The following ATF7 variants were observed in gnomAD, a reference collection of about 807,000 sequenced individuals.
The protein encoded by ATF7 is activating transcription factor 7.
Under a neutral mutation model 50.4 loss-of-function variants are expected in ATF7, and 10 were observed. The ratio of observed to expected loss-of-function variants is 0.20; its 90% CI spans 0.12 to 0.34. ATF7 has a LOEUF of 0.34. Among genes scored for constraint, ATF7 ranks in the 10% least tolerant of loss-of-function variants. The pLI is 1.00. For synonymous variants in ATF7, 201 were observed against 226.4 expected, an observed-to-expected ratio of 0.89 and a Z score of 1.01; for missense variants, 465 against 613.9, an observed-to-expected ratio of 0.76 and a Z score of 2.56.
At chr12:53,518,416 C>T (rs1225913277) in intron 11 of ATF7, among the ~76,000 whole-genome samples, 1 of 152,196 alleles carries the variant, frequency 6.6e-6, no homozygotes, top group Non-Finnish European at 1.5e-5. Flanking sequence ...ACACAACTAC[C>T]TGAGCTACAT....
Position 53,601,041 on chromosome 12 carries a change from G to C in ATF7, c.-21-20C>G. 1 of 1,571,216 alleles carries C rather than the reference G, an allele frequency of 6.4e-7. No individual in the cohort carries two copies. The highest frequency in any genetic ancestry group is 8.7e-7 in the Non-Finnish European group (1 of 1,154,766). ...GAGGAGCTGAGGAGGGGGAGGTGAG[G>C]GAAAAAGTTATGTTAAATATGCTGG... is the stretch of plus-strand genomic sequence containing the variant. On this transcript the variant is annotated intron_variant, in intron 1 of 11. Coordinates refer to ENST00000420353, the MANE Select transcript of ATF7 (RefSeq NM_006856.3).
At chr12:53,543,558 T>G in intron 3 of ATF7, 110 bp from the exon 4 acceptor site, 1 of 1,251,674 alleles carries the variant, frequency 8.0e-7, no homozygotes. Context: ...GGAGAGAGAG[T>G]CTTTGTGTTA....
At chr12:53,614,623 T>C (rs1944036878) in intron 1 of ATF7, among the ~76,000 whole-genome samples, 2 of 152,202 alleles carry the variant, frequency 1.3e-5, no homozygotes, top group South Asian at 4.1e-4. Flanking sequence ...ACTTAGAAGT[T>C]CTCAGGAAAA....
intron 2 of ATF7, among the ~76,000 whole-genome samples, chr12:53,566,349 A>G (rs748434069): frequency 2.6e-5 from 4 of 152,046 alleles, no homozygotes; most frequent in Admixed American, 1.3e-4. Context: ...TCTTAACCCA[A>G]CCCCCATTTT....
intron 2 of ATF7, among the ~76,000 whole-genome samples, chr12:53,591,229 C>T (rs977635247): frequency 3.3e-5 from 5 of 151,834 alleles, no homozygotes; most frequent in Admixed American, 2.0e-4. Context: ...GAAACACTGG[C>T]GAATAATCCC....
intron 11 of ATF7, among the ~76,000 whole-genome samples, chr12:53,522,235 C>A (rs1240131219): frequency 6.6e-6 from 1 of 152,204 alleles, no homozygotes; most frequent in Non-Finnish European, 1.5e-5. Flanking sequence ...TATGTGTTTT[C>A]TAGGCCAAGA....
At chr12:53,540,932 TG>T (rs770929010) in intron 4 of ATF7, among the ~76,000 whole-genome samples, 15 of 152,134 alleles carry the variant, frequency 9.9e-5, no homozygotes, top group Non-Finnish European at 1.9e-4. Flanking sequence ...GGTCTCACCA[TG>T]CTGCTCAGGC....
chr12:53,529,481 G>A (rs188033671), intron 9 of ATF7, among the ~76,000 whole-genome samples: 1 of 150,816 alleles, frequency 6.6e-6, no homozygotes, highest in African/African-American at 2.4e-5. Context: ...GATTACAGGC[G>A]TGAGCCACCA....
At chr12:53,576,969 T>C (rs1592912662) in intron 2 of ATF7, among the ~76,000 whole-genome samples, 2 of 152,142 alleles carry the variant, frequency 1.3e-5, no homozygotes, top group African/African-American at 4.8e-5. Flanking sequence ...GGCATGAGAA[T>C]TGCTTAAACC....
chr12:53,566,587 C>T (rs1404727663), intron 2 of ATF7, among the ~76,000 whole-genome samples: 3 of 152,068 alleles, frequency 2.0e-5, no homozygotes, highest in Admixed American at 6.6e-5. Context: ...TATTTCTTTC[C>T]CATCCTCTGA....
rs1191785764 is a variant in ATF7 at position 53,516,820 on chromosome 12, TAA to T, written c.*315_*316del. ...ACCTAGAAGTGCCAAGGGTTAGTGTTAAAAGAGACAGATACACGTGCATGGGG... is the reference window on the plus strand; with the variant it reads ...ACCTAGAAGTGCCAAGGGTTAGTGTTAAGAGACAGATACACGTGCATGGGG... On this transcript the variant is annotated 3_prime_UTR_variant, in exon 12 of 12. Coordinates refer to ENST00000420353, the MANE Select transcript of ATF7 (RefSeq NM_006856.3). 1 of 335,534 alleles carries T rather than the reference TAA, an allele frequency of 3.0e-6. No homozygotes were observed. Among genetic ancestry groups the T allele is most frequent in the Non-Finnish European group, 5.7e-6 (1 of 174,844 alleles). The allele number at this position is 335,534 out of a possible 1,614,324, so 20.8% of individuals were successfully genotyped here.
In ATF7 at chr12:53,528,092, C is replaced by T. The variant is rs186125387; in HGVS notation, c.928-3331G>A. Among the ~76,000 whole-genome samples the T allele has an allele frequency of 1.3e-3, 202 of 152,118 alleles. 2 individuals are homozygous for T. The East Asian group carries it at 0.027, about 20-fold the overall frequency. ...TCCTAACCTTGGGATCCACCCGCCTCAGCCTCCCAAAGTGCTGGGATTACA... is the reference window on the plus strand; with the variant it reads ...TCCTAACCTTGGGATCCACCCGCCTTAGCCTCCCAAAGTGCTGGGATTACA... On this transcript the variant is annotated intron_variant, in intron 9 of 11. Transcript: ENST00000420353.
At chr12:53,596,979 G>A (rs1446593534) in intron 2 of ATF7, among the ~76,000 whole-genome samples, 1 of 152,046 alleles carries the variant, frequency 6.6e-6, no homozygotes, top group Non-Finnish European at 1.5e-5. Flanking sequence ...CCATTCTCAG[G>A]AGGCAGCTCT....
chr12:53,577,729 AAAG>A (rs1238190791), intron 2 of ATF7, among the ~76,000 whole-genome samples: 2 of 105,758 alleles, frequency 1.9e-5, no homozygotes, highest in African/African-American at 9.1e-5. Flanking sequence ...AAAAAAAAAA[AAAG>A]AAAGAAAGAA....
chr12:53,606,892 CTCA>C (rs1426795981), intron 1 of ATF7, among the ~76,000 whole-genome samples: 1 of 151,994 alleles, frequency 6.6e-6, no homozygotes, highest in Non-Finnish European at 1.5e-5. Flanking sequence ...AGGACATGAA[CTCA>C]TCATTTTTAT....
At chr12:53,528,398 C>G (rs1022183732) in intron 9 of ATF7, among the ~76,000 whole-genome samples, 23 of 151,964 alleles carry the variant, frequency 1.5e-4, no homozygotes, top group African/African-American at 5.6e-4. Flanking sequence ...GAGGCCAAGG[C>G]GGGTGGATTG....
In ATF7 at chr12:53,516,122, A is replaced by G. The variant is rs1268022861; in HGVS notation, c.*1015T>C. ...AAGAGAGAGAAGCAGGAGCAGAAAA[A>G]TGACCAAAGATGACAATATGCTTTG... On this transcript the variant is annotated 3_prime_UTR_variant, in exon 12 of 12. Coordinates refer to ENST00000420353, the MANE Select transcript of ATF7 (RefSeq NM_006856.3). 6.6e-6 allele frequency: 1 copy of G among 152,272 alleles called. No individual in the cohort carries two copies. Among genetic ancestry groups the G allele is most frequent in the African/African-American group, 2.4e-5 (1 of 41,472 alleles). The allele number at this position is 152,272 out of a possible 1,614,324, so 9.4% of individuals were successfully genotyped here. A position where few individuals can be genotyped will look rare whatever the true frequency, so the allele number is the denominator to read the frequency against.
chr12:53,519,354 G>C (rs916970060), intron 11 of ATF7, among the ~76,000 whole-genome samples: 1 of 152,042 alleles, frequency 6.6e-6, no homozygotes, highest in African/African-American at 2.4e-5. Flanking sequence ...CATGTGTCAG[G>C]TACTTACATA....
At chr12:53,538,181 C>T (rs948203360) in intron 4 of ATF7, among the ~76,000 whole-genome samples, 1 of 152,094 alleles carries the variant, frequency 6.6e-6, no homozygotes, top group Non-Finnish European at 1.5e-5. Flanking sequence ...TAAATCCATG[C>T]AAATATTATG....
Sources: gnomAD v4.1 joint callset for allele counts (sites outside exome capture counted in the v4.1 genomes callset) on GRCh38, gnomAD v4.1.1 for gene constraint, MANE v1.5 for transcripts, NCBI Gene and HGNC (gene_info 2026-07-23, HGNC 2026-07-21) for gene names.